The following ETF1 variants were observed in gnomAD, a reference collection of about 807,000 sequenced individuals.
ETF1 encodes the protein eukaryotic peptide chain release factor subunit 1.
Under a neutral mutation model 55.1 loss-of-function variants are expected in ETF1, and 4 were observed. The observed-to-expected ratio is 0.07, with a 90% CI of 0.04 to 0.17. The LOEUF is 0.17. Among genes scored for constraint, ETF1 ranks in the 10% least tolerant of loss-of-function variants. The pLI is 1.00. For synonymous variants in ETF1, 157 were observed against 182.3 expected, an observed-to-expected ratio of 0.86 and a Z score of 1.12; for missense variants, 142 against 523.6, an observed-to-expected ratio of 0.27 and a Z score of 7.11.
Position 138,534,969 on chromosome 5 carries a change from T to C in ETF1, c.86+7864A>G, listed in dbSNP as rs927115991. Among the ~76,000 whole-genome samples the C allele has an allele frequency of 2.0e-5, 3 of 150,346 alleles. No individual in the cohort carries two copies. The East Asian group carries it at 5.8e-4, about 29-fold the overall frequency. ...TCATCCTCAGAAAACTAGTTTCTTT[T>C]TTTTTTTTTTTTTTGAGACAGAGTC... On this transcript the variant is annotated intron_variant, in intron 2 of 10. Coordinates refer to ENST00000360541, the MANE Select transcript of ETF1 (RefSeq NM_004730.4).
intron 2 of ETF1, among the ~76,000 whole-genome samples, chr5:138,532,434 T>C (rs1475961104): frequency 6.6e-6 from 1 of 152,178 alleles, no homozygotes; most frequent in African/African-American, 2.4e-5. Context: ...TACGAGATCA[T>C]ATATGTCAAG....
chr5:138,512,701 CA>C (rs1764868483), intron 6 of ETF1, 62 bp downstream of exon 6: 1 of 1,426,712 alleles, frequency 7.0e-7, no homozygotes, highest in Non-Finnish European at 9.4e-7. Flanking sequence ...CCAGTGCTCA[CA>C]CAGAGGACTC....
chr5:138,527,043 T>C lies in ETF1; in HGVS notation c.87-8176A>G, dbSNP rs574493439. On this transcript the variant is annotated intron_variant, in intron 2 of 10. Coordinates refer to ENST00000360541, the MANE Select transcript of ETF1 (RefSeq NM_004730.4). ...TAGTAGAGATGTGGTTTCACCATGT[T>C]GGTCGGGCTGGTCTGGAACTCCTGA... is the stretch of plus-strand genomic sequence containing the variant. Among the ~76,000 whole-genome samples the C allele has an allele frequency of 5.3e-5, 8 of 152,282 alleles. No homozygotes were observed. The South Asian group carries it at 1.5e-3, about 28-fold the overall frequency.
At chr5:138,538,922 G>T (rs975503724) in intron 2 of ETF1, among the ~76,000 whole-genome samples, 12 of 152,106 alleles carry the variant, frequency 7.9e-5, no homozygotes, top group African/African-American at 2.4e-4. Flanking sequence ...AATTCAGTGG[G>T]GATTCTTTAA....
chr5:138,542,511 G>A (rs1045549705), intron 2 of ETF1: 28 of 711,926 alleles, frequency 3.9e-5, no homozygotes, highest in Non-Finnish European at 1.2e-5. Context: ...CGAGTCGGGT[G>A]GCAGCACCTG....
intron 6 of ETF1, chr5:138,511,920 G>A: frequency 1.0e-6 from 1 of 984,350 alleles, no homozygotes; most frequent in Non-Finnish European, 1.2e-6. Flanking sequence ...AAGACGGGCT[G>A]GGGAGGGTGG....
At chr5:138,539,020 T>A (rs1766065583) in intron 2 of ETF1, among the ~76,000 whole-genome samples, 1 of 152,222 alleles carries the variant, frequency 6.6e-6, no homozygotes, top group East Asian at 1.9e-4. Flanking sequence ...AAACAGTTTT[T>A]AAAATGTCCA....
chr5:138,520,649 T>A (rs1003953551), intron 2 of ETF1, among the ~76,000 whole-genome samples: 1 of 152,016 alleles, frequency 6.6e-6, no homozygotes, highest in African/African-American at 2.4e-5. Flanking sequence ...GAGGCCCCCA[T>A]CTGTACAAAA....
intron 2 of ETF1, among the ~76,000 whole-genome samples, chr5:138,525,555 G>A (rs564959185): frequency 1.3e-5 from 2 of 152,270 alleles, no homozygotes; most frequent in African/African-American, 4.8e-5. Context: ...CTGATCTAAA[G>A]GCTGGCTTTA....
intron 2 of ETF1, chr5:138,519,220 C>T (rs1228884020): frequency 5.1e-6 from 5 of 984,384 alleles, no homozygotes; most frequent in East Asian, 1.1e-4. Flanking sequence ...GTGGGAGAGC[C>T]TTCAAATGTG....
At chr5:138,517,517 A>C in intron 4 of ETF1, 44 bp downstream of exon 4, 5 of 1,285,694 alleles carry the variant, frequency 3.9e-6, no homozygotes, top group Non-Finnish European at 5.4e-6. Flanking sequence ...GGTACGGGGA[A>C]AGAATTCTGG....
intron 4 of ETF1, among the ~76,000 whole-genome samples, chr5:138,514,299 A>G (rs529292147): frequency 2.7e-4 from 41 of 152,338 alleles, no homozygotes; most frequent in Non-Finnish European, 4.9e-4. Context: ...CACACATGTA[A>G]TCCCAGCACT....
intron 2 of ETF1, among the ~76,000 whole-genome samples, chr5:138,524,857 T>C (rs1765400655): frequency 1.3e-5 from 2 of 152,000 alleles, no homozygotes; most frequent in Admixed American, 1.3e-4. Context: ...ATTACAGGCA[T>C]GAGCCACCGT....
intron 2 of ETF1, among the ~76,000 whole-genome samples, chr5:138,527,999 C>T (rs185946599): frequency 9.2e-5 from 14 of 152,002 alleles, no homozygotes; most frequent in East Asian, 3.9e-4. Flanking sequence ...CTCGAACTCC[C>T]GACCTCAGGT....
rs760074349 is a variant in ETF1 at position 138,517,678 on chromosome 5, T to C, written c.285A>G (p.Val95=). The C allele has an allele frequency of 3.2e-6, 5 of 1,554,298 alleles. No individual in the cohort carries two copies. Among genetic ancestry groups the C allele is most frequent in the South Asian group, 2.4e-5 (2 of 83,786 alleles). The change falls in exon 4 of 11, where the codon GTA becomes GTG. Residue 95 remains valine, a synonymous_variant. Coordinates refer to ENST00000360541, the MANE Select transcript of ETF1 (RefSeq NM_004730.4). ...CTTCTGTTACAATTGTTCCACAGTA[T>C]ACAACCAGACCATTTGGAGGTACTG... ...YNKVPPNGLV[V]YCGTIVTEEG...
chr5:138,538,184 CCGGCCT>C (rs781754685), intron 2 of ETF1, among the ~76,000 whole-genome samples: 9 of 147,028 alleles, frequency 6.1e-5, no homozygotes, highest in South Asian at 2.2e-4. Context: ...GCCACCACGC[CCGGCCT>C]GGGCCCCTAT....
At chr5:138,542,725 A>T in intron 2 of ETF1, 108 bp downstream of exon 2, 5 of 1,535,480 alleles carry the variant, frequency 3.3e-6, no homozygotes, top group Non-Finnish European at 4.4e-6. Flanking sequence ...AGAAGGCGGG[A>T]GTTGGCTAGT....
At chr5:138,537,004 T>C (rs759322757) in intron 2 of ETF1, among the ~76,000 whole-genome samples, 1 of 152,200 alleles carries the variant, frequency 6.6e-6, no homozygotes, top group South Asian at 2.1e-4. Context: ...AGCATAAGTA[T>C]ATCTGCTATT....
intron 4 of ETF1, among the ~76,000 whole-genome samples, chr5:138,515,696 G>A (rs1270690911): frequency 6.6e-6 from 1 of 152,188 alleles, no homozygotes; most frequent in Non-Finnish European, 1.5e-5. Context: ...GGCTAACTCA[G>A]TAAGTGAGCA....
Sources: gnomAD v4.1 joint callset for allele counts (sites outside exome capture counted in the v4.1 genomes callset) on GRCh38, gnomAD v4.1.1 for gene constraint, MANE v1.5 for transcripts, NCBI Gene and HGNC (gene_info 2026-07-23, HGNC 2026-07-21) for gene names.